Variants in CDC42BPA observed in about 807,000 individuals in gnomAD.
CDC42BPA encodes CDC42 binding protein kinase alpha, also known as serine/threonine-protein kinase MRCK alpha.
In CDC42BPA, 80 loss-of-function variants were observed where a neutral mutation model predicts 223.5. The ratio of observed to expected loss-of-function variants is 0.36; its 90% confidence interval spans 0.30 to 0.43. CDC42BPA has a LOEUF of 0.43. CDC42BPA is among the 20% of genes least tolerant of loss of function. The pLI, the probability that CDC42BPA is intolerant of heterozygous loss-of-function variation, is 1.00. For missense variants in CDC42BPA, 1,743 were observed against 2,099.9 expected, an observed-to-expected ratio of 0.83 and a Z score of 3.32; for synonymous variants, 694 against 718.6, an observed-to-expected ratio of 0.97 and a Z score of 0.55.
chr1:227,044,473 G>A (rs529628689), intron 23 of CDC42BPA, among the ~76,000 whole-genome samples: 1 of 152,242 alleles, frequency 6.6e-6, no homozygotes, highest in East Asian at 1.9e-4. Context: ...GGTTGAAAAA[G>A]TAAAATGGTA....
rs191824438 is a variant in CDC42BPA at position 227,231,291 on chromosome 1, C to T, written c.271-18072G>A. 2.1e-3 allele frequency among the ~76,000 whole-genome samples: 326 copies of T among 152,066 alleles called. 3 individuals are homozygous for T. The highest frequency in any genetic ancestry group is 7.3e-3 in the African/African-American group (303 of 41,460). On this transcript the variant is annotated intron_variant, in intron 2 of 36. Coordinates refer to ENST00000366766, the MANE Select transcript of CDC42BPA (RefSeq NM_001394014.1). ...GAATAATGGTTTCCAGCTTCATCCA[C>T]GTCCCTACAAAGGACATGAACTCAT... is the stretch of plus-strand genomic sequence containing the variant.
intron 1 of CDC42BPA, among the ~76,000 whole-genome samples, chr1:227,292,369 A>C (rs572350328): frequency 6.6e-6 from 1 of 152,362 alleles, no homozygotes; most frequent in African/African-American, 2.4e-5. Flanking sequence ...ACATTTCACT[A>C]AATATTTACC....
chr1:227,063,448 A>G (rs1676347473), intron 21 of CDC42BPA, among the ~76,000 whole-genome samples: 1 of 152,124 alleles, frequency 6.6e-6, no homozygotes, highest in African/African-American at 2.4e-5. Context: ...GTCTTATTTA[A>G]TAAAATACCA....
intron 24 of CDC42BPA, among the ~76,000 whole-genome samples, chr1:227,037,243 G>A (rs1670452956): frequency 1.3e-5 from 2 of 152,146 alleles, no homozygotes; most frequent in Non-Finnish European, 2.9e-5. Flanking sequence ...CACCTTCCTA[G>A]TCAACAATAC....
At chr1:227,066,854 C>A (rs944664781) in intron 21 of CDC42BPA, among the ~76,000 whole-genome samples, 33 of 152,080 alleles carry the variant, frequency 2.2e-4, no homozygotes, top group Admixed American at 6.5e-5. Context: ...TACTATTTGC[C>A]TGATGAGCAA....
intron 16 of CDC42BPA, among the ~76,000 whole-genome samples, chr1:227,084,515 G>A (rs1434905407): frequency 2.1e-5 from 3 of 142,054 alleles, no homozygotes; most frequent in East Asian, 2.1e-4. Flanking sequence ...GCAGCAGAGT[G>A]AGACTTCATC....
intron 5 of CDC42BPA, among the ~76,000 whole-genome samples, chr1:227,171,225 G>C (rs554095052): frequency 2.0e-5 from 3 of 152,294 alleles, no homozygotes; most frequent in Non-Finnish European, 4.4e-5. Context: ...ACTAATTAAA[G>C]TTTCTAAAAT....
chr1:227,082,025 G>A (rs1345843231), intron 16 of CDC42BPA, among the ~76,000 whole-genome samples: 1 of 151,822 alleles, frequency 6.6e-6, no homozygotes, highest in Non-Finnish European at 1.5e-5. Context: ...CCAGCTTAAT[G>A]GCTGGATATA....
chr1:227,304,178 G>A (rs1251827219), intron 1 of CDC42BPA, among the ~76,000 whole-genome samples: 1 of 152,144 alleles, frequency 6.6e-6, no homozygotes, highest in Non-Finnish European at 1.5e-5. Flanking sequence ...AAGCCGAGGT[G>A]GGCGCATCAC....
chr1:226,992,697 A>G lies in CDC42BPA; in HGVS notation c.*1571T>C, dbSNP rs975400521. The G allele has an allele frequency of 3.9e-5, 6 of 152,252 alleles. No individual in the cohort carries two copies. Among genetic ancestry groups the G allele is most frequent in the African/African-American group, 1.4e-4 (6 of 41,470 alleles). 9.4% of individuals were successfully genotyped at this position (152,252 alleles called of 1,614,324 possible). On this transcript the variant is annotated 3_prime_UTR_variant, in exon 37 of 37. Transcript: ENST00000366766. ...CTATTTCTCAGAGAAACTTAGGTGA[A>G]AAGTAAAAGAGAGGCAAAATCTCTT...
intron 21 of CDC42BPA, among the ~76,000 whole-genome samples, chr1:227,067,901 A>G (rs1455224858): frequency 1.3e-5 from 2 of 152,172 alleles, no homozygotes; most frequent in Non-Finnish European, 2.9e-5. Flanking sequence ...TGTAAAGACT[A>G]TTCAACAGGA....
intron 2 of CDC42BPA, among the ~76,000 whole-genome samples, chr1:227,245,461 T>C (rs1483982273): frequency 6.6e-6 from 1 of 152,030 alleles, no homozygotes; most frequent in East Asian, 1.9e-4. Flanking sequence ...CAGCTAATTT[T>C]TGTATTTGTA....
intron 1 of CDC42BPA, among the ~76,000 whole-genome samples, chr1:227,275,760 G>A (rs1448450452): frequency 6.6e-6 from 1 of 152,096 alleles, no homozygotes; most frequent in East Asian, 1.9e-4. Context: ...GCGCCGCCAC[G>A]CCTGACTGGT....
chr1:227,251,305 T>C (rs951547744), intron 2 of CDC42BPA, among the ~76,000 whole-genome samples: 1 of 151,734 alleles, frequency 6.6e-6, no homozygotes, highest in Non-Finnish European at 1.5e-5. Context: ...CATGTGGTAA[T>C]TGCCAGGGGA....
At chr1:227,309,203 C>CAA (rs35336462) in intron 1 of CDC42BPA, among the ~76,000 whole-genome samples, 43 of 130,026 alleles carry the variant, frequency 3.3e-4, no homozygotes, top group African/African-American at 9.9e-4. Flanking sequence ...CTATCTCTAC[C>CAA]AAAAAAAAAA....
chr1:227,250,851 A>G (rs973929513), intron 2 of CDC42BPA, among the ~76,000 whole-genome samples: 6 of 152,166 alleles, frequency 3.9e-5, no homozygotes, highest in Admixed American at 1.3e-4. Context: ...TTGGAGTTTG[A>G]GACCAGCCTA....
chr1:227,116,415 C>A (rs1030062931), intron 12 of CDC42BPA, among the ~76,000 whole-genome samples: 1 of 152,080 alleles, frequency 6.6e-6, no homozygotes, highest in Non-Finnish European at 1.5e-5. Context: ...ACTTCTTTAA[C>A]CTGATAAAAA....
At chr1:227,246,756 A>G (rs553775896) in intron 2 of CDC42BPA, among the ~76,000 whole-genome samples, 1 of 152,298 alleles carries the variant, frequency 6.6e-6, no homozygotes, top group South Asian at 2.1e-4. Context: ...TCTACAATAA[A>G]TACCTAACTC....
chr1:227,277,769 T>G (rs1687356092), intron 1 of CDC42BPA, among the ~76,000 whole-genome samples: 1 of 151,724 alleles, frequency 6.6e-6, no homozygotes, highest in South Asian at 2.1e-4. Context: ...TTGTTTCTTT[T>G]CAGACAGTCT....
Sources: gnomAD v4.1 joint callset for allele counts (sites outside exome capture counted in the v4.1 genomes callset) on GRCh38, gnomAD v4.1.1 for gene constraint, MANE v1.5 for transcripts, NCBI Gene and HGNC (gene_info 2026-07-23, HGNC 2026-07-21) for gene names.